Variants in CCNT2 observed in about 807,000 individuals in gnomAD.
CCNT2 encodes the protein cyclin-T2.
A neutral mutation model predicts 70.0 loss-of-function variants in CCNT2; 18 were observed. That is an observed-to-expected ratio of 0.26 (90% CI 0.18 to 0.38). The LOEUF is 0.38. Ranked by LOEUF, CCNT2 falls within the 10% of genes least tolerant of loss-of-function variation. The pLI, the probability that CCNT2 is intolerant of heterozygous loss-of-function variation, is 1.00. For synonymous variants in CCNT2, 334 were observed against 313.3 expected, an observed-to-expected ratio of 1.07 and a Z score of -0.70; for missense variants, 734 against 890.2, an observed-to-expected ratio of 0.82 and a Z score of 2.23.
intron 2 of CCNT2, among the ~76,000 whole-genome samples, chr2:134,922,262 A>T (rs1317895727): frequency 6.6e-6 from 1 of 152,256 alleles, no homozygotes; most frequent in African/African-American, 2.4e-5. Flanking sequence ...TAAATAAGTT[A>T]AGATGCTAGT....
chr2:134,940,911 C>A (rs1367225852), intron 4 of CCNT2, among the ~76,000 whole-genome samples: 1 of 152,074 alleles, frequency 6.6e-6, no homozygotes, highest in African/African-American at 2.4e-5. Flanking sequence ...TTGCCCATTT[C>A]AAGATAAATG....
At chr2:134,925,903 A>AC (rs1680264079) in intron 2 of CCNT2, among the ~76,000 whole-genome samples, 1 of 132,204 alleles carries the variant, frequency 7.6e-6, no homozygotes, top group South Asian at 2.4e-4. Flanking sequence ...TCTCCCTCTG[A>AC]CACCCGGGCT....
chr2:134,919,969 G>T, intron 2 of CCNT2, 78 bp downstream of exon 2: 1 of 941,190 alleles, frequency 1.1e-6, no homozygotes, highest in Non-Finnish European at 1.7e-6. Context: ...TGGTCATTGC[G>T]TTGTTGGATT....
At chr2:134,931,537 C>G (rs1325315448) in intron 2 of CCNT2, among the ~76,000 whole-genome samples, 2 of 151,824 alleles carry the variant, frequency 1.3e-5, no homozygotes, top group Non-Finnish European at 2.9e-5. Context: ...TTTGGCTATT[C>G]TTAGTCCCTT....
At position 134,948,035 on chromosome 2, in the gene CCNT2, T is replaced by TA. The variant is rs926432624; in HGVS notation, c.703+137dup. ...ATTCATCAGCCTAAAGAAAAAAAAA[T>TA]AGAGTCTGGAAGCTGTGCTCATACC... is the stretch of plus-strand genomic sequence containing the variant. On this transcript the variant is annotated intron_variant, in intron 7 of 8. Transcript: ENST00000264157. 2.2e-3 allele frequency: 1,048 copies of TA among 471,094 alleles called. 11 individuals carry two copies. The highest frequency in any genetic ancestry group is 0.019 in the African/African-American group (978 of 50,616). The allele number at this position is 471,094 out of a possible 1,614,324, so 29.2% of individuals were successfully genotyped here. A position where few individuals can be genotyped will look rare whatever the true frequency, so the allele number is the denominator to read the frequency against.
chr2:134,952,642 G>A lies in CCNT2; in HGVS notation c.705G>A (p.Glu235=), dbSNP rs752765528. 2 of 1,575,084 alleles carry A rather than the reference G, an allele frequency of 1.3e-6. No individual in the cohort carries two copies. Among genetic ancestry groups the A allele is most frequent in the Non-Finnish European group, 1.7e-6 (2 of 1,159,700 alleles). ...DPTVTLELLD[E]LTHEFLQILE... ...TTCAAATTTAAATTTTATTTTTAGA[G>A]CTAACACATGAGTTTCTACAAATAT... Residue 235 remains glutamate, a splice_region_variant and synonymous_variant, in exon 8 of 9, where the codon GAG becomes GAA. Coordinates refer to ENST00000264157, the MANE Select transcript of CCNT2 (RefSeq NM_058241.3).
chr2:134,943,265 G>T (rs975517282), intron 5 of CCNT2: 2 of 355,480 alleles, frequency 5.6e-6, no homozygotes, highest in African/African-American at 4.4e-5. Flanking sequence ...GCTGGTTGTG[G>T]TGGTACACGC....
At chr2:134,953,201 A>G (rs767422530) in intron 8 of CCNT2, 29 bp from the exon 9 acceptor site, 4 of 1,510,024 alleles carry the variant, frequency 2.6e-6, no homozygotes, top group Middle Eastern at 1.8e-4. Context: ...TTGCTATATC[A>G]CTGCTTCTTC....
chr2:134,926,527 T>C (rs985464907), intron 2 of CCNT2, among the ~76,000 whole-genome samples: 2 of 152,228 alleles, frequency 1.3e-5, no homozygotes, highest in Non-Finnish European at 2.9e-5. Context: ...AGCTTCGGTC[T>C]TTTAATCCTT....
chr2:134,925,260 T>C (rs1680207347), intron 2 of CCNT2, among the ~76,000 whole-genome samples: 1 of 152,242 alleles, frequency 6.6e-6, no homozygotes. Flanking sequence ...TCATCTCATA[T>C]GGACACCCAG....
Position 134,953,431 on chromosome 2 carries a change from CATACATCTG to C in CCNT2, c.980_988del (p.Thr327_Asp329del). ...AGGAAATATTTCTGTTCAAGACAGCCATACATCTGATAATTTGTCAATGCTAGCAACAGG... is the reference window on the plus strand; with the variant it reads ...AGGAAATATTTCTGTTCAAGACAGCCATAATTTGTCAATGCTAGCAACAGG... On this transcript the variant is annotated inframe_deletion, in exon 9 of 9. Coordinates refer to ENST00000264157, the MANE Select transcript of CCNT2 (RefSeq NM_058241.3). 6.2e-7 allele frequency: 1 copy of C among 1,611,876 alleles called. No homozygotes were observed. The highest frequency in any genetic ancestry group is 2.2e-5 in the East Asian group (1 of 44,668).
rs752086123 is a variant in CCNT2, at chr2:134,954,683, T to C, written c.*35T>C. On this transcript the variant is annotated 3_prime_UTR_variant, in exon 9 of 9. Transcript: ENST00000264157. ...TAGGTCAATTTTTCCTTTACTTTTT[T>C]AATTTAAAAATTGTTAGAATGGAAA... The C allele has an allele frequency of 5.6e-6, 8 of 1,432,472 alleles. No homozygotes were observed. Among genetic ancestry groups the C allele is most frequent in the Middle Eastern group, 3.6e-4 (2 of 5,602 alleles). 88.7% of individuals were successfully genotyped at this position (1,432,472 alleles called of 1,614,324 possible).
In CCNT2 at chr2:134,956,313, G is replaced by A. The variant is rs1318412884; in HGVS notation, c.*1665G>A. 6.6e-6 allele frequency: 1 copy of A among 152,468 alleles called. No individual in the cohort carries two copies. Among genetic ancestry groups the A allele is most frequent in the Non-Finnish European group, 1.5e-5 (1 of 67,970 alleles). 9.4% of individuals were successfully genotyped at this position (152,468 alleles called of 1,614,324 possible). ...AGCTTTATAATTTTTAAAGATAATTGTTCATTATTTTGTCAATGTTATTTG... is the reference window on the plus strand; with the variant it reads ...AGCTTTATAATTTTTAAAGATAATTATTCATTATTTTGTCAATGTTATTTG... On this transcript the variant is annotated 3_prime_UTR_variant, in exon 9 of 9. Coordinates refer to ENST00000264157, the MANE Select transcript of CCNT2 (RefSeq NM_058241.3).
At chr2:134,940,641 C>A (rs1681511640) in intron 4 of CCNT2, among the ~76,000 whole-genome samples, 1 of 152,150 alleles carries the variant, frequency 6.6e-6, no homozygotes, top group South Asian at 2.1e-4. Context: ...TTATGAGTAT[C>A]CACGTAAAAT....
intron 3 of CCNT2, among the ~76,000 whole-genome samples, chr2:134,938,439 T>C (rs967663138): frequency 1.7e-4 from 26 of 152,206 alleles, no homozygotes; most frequent in Non-Finnish European, 7.3e-5. Flanking sequence ...AGGGATAATT[T>C]CTTGAAATTG....
intron 7 of CCNT2, among the ~76,000 whole-genome samples, chr2:134,950,925 C>T (rs1001599460): frequency 2.0e-5 from 3 of 152,060 alleles, no homozygotes; most frequent in Non-Finnish European, 2.9e-5. Flanking sequence ...ATTTTGTGTA[C>T]GAGATTTTGG....
intron 1 of CCNT2, among the ~76,000 whole-genome samples, chr2:134,919,286 G>T (rs1479121126): frequency 6.6e-6 from 1 of 152,184 alleles, no homozygotes; most frequent in Non-Finnish European, 1.5e-5. Flanking sequence ...GTGTGGCTCA[G>T]GCGAAAGAGG....
intron 5 of CCNT2, chr2:134,945,090 T>G: frequency 1.0e-6 from 1 of 985,394 alleles, no homozygotes; most frequent in Non-Finnish European, 1.2e-6. Flanking sequence ...TCACACTGCC[T>G]CCAAGACATC....
chr2:134,926,200 G>C (rs1680289804), intron 2 of CCNT2, among the ~76,000 whole-genome samples: 2 of 152,046 alleles, frequency 1.3e-5, no homozygotes, highest in Admixed American at 1.3e-4. Flanking sequence ...TTTTCTTACA[G>C]TCTTTGTGTG....
Sources: allele counts gnomAD v4.1 joint callset (sites outside exome capture counted in the v4.1 genomes callset), GRCh38; gene constraint gnomAD v4.1.1; transcripts MANE v1.5; gene names NCBI Gene and HGNC (gene_info 2026-07-23, HGNC 2026-07-21).